The following NSMCE1 variants were observed in gnomAD, a reference collection of about 807,000 sequenced individuals.
The protein encoded by NSMCE1 is non-structural maintenance of chromosomes element 1 homolog.
Under a neutral mutation model 29.6 loss-of-function variants are expected in NSMCE1, and 18 were observed. The ratio of observed to expected loss-of-function variants is 0.61; its 90% confidence interval spans 0.42 to 0.90. The LOEUF (loss-of-function observed/expected upper bound fraction) is 0.90. Among genes scored for constraint, NSMCE1 ranks in the 40% least tolerant of loss-of-function variants. The pLI, the probability that NSMCE1 is intolerant of heterozygous loss-of-function variation, is 0.00. For synonymous variants in NSMCE1, 124 were observed against 133.4 expected (o/e 0.93, Z 0.49); for missense variants, 314 against 343.6 (o/e 0.91, Z 0.68).
intron 5 of NSMCE1, among the ~76,000 whole-genome samples, chr16:27,229,535 A>G (rs1249296031): frequency 1.3e-5 from 2 of 152,236 alleles, no homozygotes; most frequent in Admixed American, 1.3e-4. Context: ...CCTGACACTA[A>G]GCAAGTTCAA....
At chr16:27,243,156 G>A (rs1479881768) in intron 2 of NSMCE1, among the ~76,000 whole-genome samples, 2 of 152,158 alleles carry the variant, frequency 1.3e-5, no homozygotes, top group Non-Finnish European at 2.9e-5. Context: ...ATCTCCTGGC[G>A]GTTGTTTTCT....
At chr16:27,238,333 C>CTCTTGA (rs2083850755) in intron 2 of NSMCE1, among the ~76,000 whole-genome samples, 1 of 152,182 alleles carries the variant, frequency 6.6e-6, no homozygotes, top group Non-Finnish European at 1.5e-5. Flanking sequence ...GGACCCCAGC[C>CTCTTGA]TCCTGATCCT....
In NSMCE1 at chr16:27,226,724, A is replaced by C. The variant is rs2140983975; in HGVS notation, c.596T>G (p.Ile199Ser). 6.2e-7 allele frequency: 1 copy of C among 1,606,700 alleles called. No individual in the cohort carries two copies. The highest frequency in any genetic ancestry group is 1.7e-5 in the Admixed American group (1 of 59,996). The change falls in exon 6 of 8, where the codon ATC (isoleucine) becomes AGC (serine). Residue 199 changes from isoleucine (I) to serine (S), a missense_variant. Coordinates refer to ENST00000361439, the MANE Select transcript of NSMCE1 (RefSeq NM_145080.4). ...CGTGCCCTGCCCTGCGGGTACCTGG[A>C]TGAGGAGGCTGTGACAGATATTGCA... ...KICNICHSLLIQGQSCETCGI... is the reference protein window; with the variant it reads ...KICNICHSLLSQGQSCETCGI...
At chr16:27,241,967 G>T (rs2083900347) in intron 2 of NSMCE1, 1 of 358,702 alleles carries the variant, frequency 2.8e-6, no homozygotes, top group Non-Finnish European at 5.7e-6. Flanking sequence ...ATCACGAAAG[G>T]ATGTGGGCAT....
At chr16:27,263,978 T>C (rs2084191729) in intron 1 of NSMCE1, among the ~76,000 whole-genome samples, 1 of 152,204 alleles carries the variant, frequency 6.6e-6, no homozygotes, top group South Asian at 2.1e-4. Context: ...AAGATGATTC[T>C]AAAAATTTAC....
intron 2 of NSMCE1, among the ~76,000 whole-genome samples, chr16:27,255,825 C>T (rs2084081249): frequency 6.6e-6 from 1 of 152,230 alleles, no homozygotes. Context: ...CTGCAGTGCT[C>T]CAAATGTGAC....
chr16:27,226,258 A>T, intron 6 of NSMCE1: 1 of 198,722 alleles, frequency 5.0e-6, no homozygotes, highest in Non-Finnish European at 1.0e-5. Flanking sequence ...CAGGTGTACG[A>T]GGCCCGTAAG....
chr16:27,233,722 T>C (rs987087578), intron 4 of NSMCE1, among the ~76,000 whole-genome samples: 2 of 152,270 alleles, frequency 1.3e-5, no homozygotes, highest in African/African-American at 4.8e-5. Flanking sequence ...CAAATAGCTC[T>C]GAAGCCTGGT....
chr16:27,228,989 C>T (rs887135214), intron 5 of NSMCE1, among the ~76,000 whole-genome samples: 46 of 152,126 alleles, frequency 3.0e-4, no homozygotes, highest in African/African-American at 8.9e-4. Context: ...CCTCCAGCAA[C>T]GCACTCGCTA....
intron 5 of NSMCE1, among the ~76,000 whole-genome samples, chr16:27,231,435 G>A (rs1278032582): frequency 1.3e-5 from 2 of 152,166 alleles, no homozygotes; most frequent in Non-Finnish European, 2.9e-5. Context: ...TCAGGAGTTC[G>A]AGACCAGCCT....
At chr16:27,251,174 ATATATATATATATAT>A (rs2084026664) in intron 2 of NSMCE1, among the ~76,000 whole-genome samples, 4 of 50,904 alleles carry the variant, frequency 7.9e-5, no homozygotes, top group Non-Finnish European at 1.3e-4. Flanking sequence ...ATATATATAT[ATATATATATATATAT>A]AAATATATAT....
chr16:27,232,482 A>G lies in NSMCE1; in HGVS notation c.483+519T>C. 6.6e-6 allele frequency among the ~76,000 whole-genome samples: 1 copy of G among 152,160 alleles called. No individual in the cohort carries two copies. ...GAGGAACTCACTGCTGACAAAAACA[A>G]CAGTGGTAATGTCACCAATTCCTCT... On this transcript the variant is annotated intron_variant, in intron 5 of 7. Transcript: ENST00000361439. The surrounding 1 kb of genome is among the most constrained non-coding windows in gnomAD (Gnocchi z 4.5).
intron 1 of NSMCE1, among the ~76,000 whole-genome samples, chr16:27,265,131 T>C (rs2141013377): frequency 6.6e-6 from 1 of 151,008 alleles, no homozygotes; most frequent in Non-Finnish European, 1.5e-5. Flanking sequence ...GAAACTTTCA[T>C]CTGCTGCTGG....
chr16:27,252,046 G>A (rs192960231), intron 2 of NSMCE1, among the ~76,000 whole-genome samples: 48 of 152,336 alleles, frequency 3.2e-4, no homozygotes, highest in African/African-American at 1.1e-3. Flanking sequence ...TGGGGCAGCT[G>A]TACTGCTCAC....
intron 2 of NSMCE1, among the ~76,000 whole-genome samples, chr16:27,252,482 C>T (rs1380628755): frequency 6.6e-6 from 1 of 152,128 alleles, no homozygotes; most frequent in Non-Finnish European, 1.5e-5. Flanking sequence ...AATCAACAGG[C>T]CCTATAAAAC....
intron 2 of NSMCE1, among the ~76,000 whole-genome samples, chr16:27,243,394 G>A (rs181942888): frequency 7.2e-5 from 11 of 152,294 alleles, no homozygotes; most frequent in African/African-American, 2.2e-4. Context: ...GGAATGGACC[G>A]TGTTACACTC....
rs2083793374 is a variant in NSMCE1, at chr16:27,234,172, G to A, written c.336+16C>T. 6.4e-7 allele frequency: 1 copy of A among 1,564,702 alleles called. No individual in the cohort carries two copies. Among genetic ancestry groups the A allele is most frequent in the Admixed American group, 1.7e-5 (1 of 59,968 alleles). On this transcript the variant is annotated intron_variant, in intron 4 of 7. Coordinates refer to ENST00000361439, the MANE Select transcript of NSMCE1 (RefSeq NM_145080.4). ...AAGAAGCCCACCCAATGGGCAATGG[G>A]GATTACTCTACTTACAGCCTTTCTA...
chr16:27,266,661 C>T (rs923429123), intron 1 of NSMCE1: 6 of 151,792 alleles, frequency 4.0e-5, no homozygotes, highest in African/African-American at 1.2e-4. Context: ...TTAATTAAAA[C>T]AGTTTATTGG....
chr16:27,238,226 C>G (rs138108237), intron 2 of NSMCE1, among the ~76,000 whole-genome samples: 2,055 of 152,302 alleles, frequency 0.013, 28 homozygotes, highest in Admixed American at 0.036. Flanking sequence ...GCCTCTCCCC[C>G]ACTTCTCATC....
Sources: gnomAD v4.1 joint callset for allele counts (sites outside exome capture counted in the v4.1 genomes callset) on GRCh38, gnomAD v4.1.1 for gene constraint, Gnocchi (gnomAD v3.1) non-coding constraint, MANE v1.5 for transcripts, NCBI Gene and HGNC (gene_info 2026-07-23, HGNC 2026-07-21) for gene names.